The following FER1L6 variants were observed in gnomAD, a reference collection of about 807,000 sequenced individuals.
FER1L6 encodes the protein fer-1-like protein 6.
A neutral mutation model predicts 219.2 loss-of-function variants in FER1L6; 177 were observed. The observed-to-expected ratio is 0.81, with a 90% CI of 0.71 to 0.91. The LOEUF is 0.91. Among genes scored for constraint, FER1L6 ranks in the 40% least tolerant of loss-of-function variants. The pLI is 0.00. For missense variants in FER1L6, 2,153 were observed against 2,259.9 expected (o/e 0.95, Z 0.96); for synonymous variants, 768 against 824.3 (o/e 0.93, Z 1.17).
chr8:123,996,271 A>G (rs1159214961), intron 12 of FER1L6, among the ~76,000 whole-genome samples: 2 of 152,076 alleles, frequency 1.3e-5, no homozygotes, highest in Non-Finnish European at 2.9e-5. Context: ...TCCAGCTATT[A>G]TTGTGTTGCG....
intron 1 of FER1L6, among the ~76,000 whole-genome samples, chr8:123,875,613 T>C (rs1468945869): frequency 6.6e-6 from 1 of 152,190 alleles, no homozygotes; most frequent in Non-Finnish European, 1.5e-5. Flanking sequence ...CAACTGCCTA[T>C]ACCAGATCAC....
intron 1 of FER1L6, among the ~76,000 whole-genome samples, chr8:123,954,941 C>T (rs1346817656): frequency 6.6e-6 from 1 of 152,164 alleles, no homozygotes. Context: ...GCTGGCCAGG[C>T]TGCCTGCATC....
At chr8:124,101,072 TA>T in intron 37 of FER1L6, 24 bp from the exon 38 acceptor site, 1 of 1,610,232 alleles carries the variant, frequency 6.2e-7, no homozygotes, top group Non-Finnish European at 8.5e-7. Context: ...TCTGAGTGTT[TA>T]AATTATTTTG....
Position 123,970,557 on chromosome 8 carries a change from G to A in FER1L6, c.447+460G>A, listed in dbSNP as rs141809910. 1.6e-3 allele frequency among the ~76,000 whole-genome samples: 246 copies of A among 152,320 alleles called. 2 individuals are homozygous for A. The highest frequency in any genetic ancestry group is 5.6e-3 in the African/African-American group (233 of 41,562). ...TAGGAACAAGTACCAGGAAAAAAGT[G>A]TCAGTCTCATCAATGGTAATGTTGG... On this transcript the variant is annotated intron_variant, in intron 6 of 40. Coordinates refer to ENST00000522917, the MANE Select transcript of FER1L6 (RefSeq NM_001039112.2).
chr8:124,107,769 G>A (rs553023042), intron 39 of FER1L6, among the ~76,000 whole-genome samples: 8 of 152,156 alleles, frequency 5.3e-5, no homozygotes, highest in Middle Eastern at 6.8e-3. Context: ...TTTGTGCTTC[G>A]GAGGGTCCAT....
At chr8:123,946,927 T>C (rs2130040495) in intron 1 of FER1L6, among the ~76,000 whole-genome samples, 1 of 152,252 alleles carries the variant, frequency 6.6e-6, no homozygotes, top group Non-Finnish European at 1.5e-5. Context: ...AGTGCAGTGC[T>C]TGGAACACAA....
rs762534192 is a variant in FER1L6, at chr8:124,082,385, A to T, written c.4318A>T (p.Thr1440Ser). ...MIGTDDLIGE[T>S]KIDLENRFYS... ...TGGCACAGATGACCTTATTGGTGAGACCAAGATCGACCTGGAGAACCGCTT... is the reference window on the plus strand; with the variant it reads ...TGGCACAGATGACCTTATTGGTGAGTCCAAGATCGACCTGGAGAACCGCTT... Residue 1440 changes from threonine (T) to serine (S), a missense_variant, in exon 33 of 41, where the codon ACC becomes TCC. By Grantham distance (58) the Thr-to-Ser change is moderately conservative. Transcript: ENST00000522917. 3.1e-6 allele frequency: 5 copies of T among 1,613,976 alleles called. No homozygotes were observed. In the Admixed American group the frequency reaches 8.3e-5, roughly 27 times the overall value.
chr8:123,898,671 GTA>G (rs1309978960), intron 1 of FER1L6, among the ~76,000 whole-genome samples: 1 of 133,626 alleles, frequency 7.5e-6, no homozygotes, highest in Non-Finnish European at 1.5e-5. Context: ...ATATATATAC[GTA>G]TATATATACA....
intron 3 of FER1L6, among the ~76,000 whole-genome samples, chr8:123,964,864 A>G (rs759839137): frequency 3.9e-5 from 6 of 152,022 alleles, no homozygotes; most frequent in Non-Finnish European, 7.4e-5. Flanking sequence ...TCTTTACCCT[A>G]TGACACATTT....
chr8:123,892,316 G>T (rs139861526), intron 1 of FER1L6, among the ~76,000 whole-genome samples: 113 of 152,092 alleles, frequency 7.4e-4, no homozygotes, highest in African/African-American at 2.7e-3. Context: ...TTTTGAGATG[G>T]AGTCTCGCAC....
chr8:123,968,454 T>C (rs951100208), intron 5 of FER1L6, among the ~76,000 whole-genome samples: 1 of 152,178 alleles, frequency 6.6e-6, no homozygotes, highest in Non-Finnish European at 1.5e-5. Context: ...GAATATGTGT[T>C]GGCCAGGAGG....
chr8:123,919,994 T>C (rs1056133399), intron 1 of FER1L6, among the ~76,000 whole-genome samples: 1 of 152,228 alleles, frequency 6.6e-6, no homozygotes, highest in Non-Finnish European at 1.5e-5. Flanking sequence ...CCCTGGCACA[T>C]GTACACTGTC....
At chr8:124,119,231 G>C (rs1440153790) in intron 40 of FER1L6, among the ~76,000 whole-genome samples, 1 of 152,144 alleles carries the variant, frequency 6.6e-6, no homozygotes, top group Non-Finnish European at 1.5e-5. Flanking sequence ...TTCAAAAGGG[G>C]GTGAGTCAAG....
intron 39 of FER1L6, among the ~76,000 whole-genome samples, chr8:124,115,882 A>G (rs1823224598): frequency 1.3e-5 from 2 of 152,152 alleles, no homozygotes; most frequent in Non-Finnish European, 2.9e-5. Flanking sequence ...TCACTTGACT[A>G]TTTGCTATAT....
chr8:124,057,819 C>G (rs1459819136), intron 22 of FER1L6, among the ~76,000 whole-genome samples: 1 of 152,114 alleles, frequency 6.6e-6, no homozygotes, highest in Non-Finnish European at 1.5e-5. Flanking sequence ...ACTAAATTTT[C>G]AGCTATAGAA....
At chr8:123,918,833 C>T (rs971799772) in intron 1 of FER1L6, among the ~76,000 whole-genome samples, 7 of 152,066 alleles carry the variant, frequency 4.6e-5, no homozygotes, top group East Asian at 1.9e-4. Context: ...AGTGTAAAGG[C>T]GAAGTTTGGG....
In FER1L6 at chr8:124,035,405, C is replaced by T. The variant is rs1819155259; in HGVS notation, c.2415C>T (p.Ser805=). 9 of 1,613,892 alleles carry T rather than the reference C, an allele frequency of 5.6e-6. No homozygotes were observed. In the East Asian group the frequency reaches 2.0e-4, roughly 36 times the overall value. Reference sequence around the variant, plus strand: ...CAGTAGGCTATGAAGCAGAAATGTCCTCCAAAGGGGCTGGCACCAATCACC... The same window carrying T: ...CAGTAGGCTATGAAGCAGAAATGTCTTCCAAAGGGGCTGGCACCAATCACC... ...NLPVGYEAEM[S]SKGAGTNHPP... is the part of the protein sequence containing the mutation. The change falls in exon 19 of 41, where the codon TCC becomes TCT. Residue 805 remains serine (S), a synonymous_variant. Transcript: ENST00000522917.
At chr8:124,115,829 G>C (rs1364380822) in intron 39 of FER1L6, among the ~76,000 whole-genome samples, 1 of 152,160 alleles carries the variant, frequency 6.6e-6, no homozygotes, top group African/African-American at 2.4e-5. Context: ...GTAAATTGTA[G>C]AGCCTGGCTT....
chr8:124,009,409 C>G (rs1331423309), intron 13 of FER1L6, among the ~76,000 whole-genome samples: 1 of 151,490 alleles, frequency 6.6e-6, no homozygotes, highest in African/African-American at 2.4e-5. Context: ...TGTTTTTGTT[C>G]AAGTTTGAGG....
Sources: allele counts gnomAD v4.1 joint callset (sites outside exome capture counted in the v4.1 genomes callset), GRCh38; gene constraint gnomAD v4.1.1; transcripts MANE v1.5; gene names NCBI Gene and HGNC (gene_info 2026-07-23, HGNC 2026-07-21).